The following LLCFC1 variants were observed in gnomAD, a reference collection of about 807,000 sequenced individuals.
The protein encoded by LLCFC1 is sperm-egg fusion protein LLCFC1.
Under a neutral mutation model 9.8 loss-of-function variants are expected in LLCFC1, and 14 were observed. The observed-to-expected ratio is 1.43, with a 90% confidence interval of 0.95 to 2.24. The LOEUF (loss-of-function observed/expected upper bound fraction) is 2.24. Ranked by LOEUF, LLCFC1 falls within the 30% of genes most tolerant of loss-of-function variation. The probability of loss-of-function intolerance (pLI) is 0.00; values close to 1 mark genes in which losing one functional copy is unlikely to be tolerated. For synonymous variants in LLCFC1, 70 were observed against 58.8 expected (o/e 1.19, Z -0.87); for missense variants, 162 against 148.0 (o/e 1.09, Z -0.49).
chr7:142,940,113 GTGTGTGTGT>G (rs1796307317), intron 1 of LLCFC1, among the ~76,000 whole-genome samples: 2 of 9,562 alleles, frequency 2.1e-4, no homozygotes, highest in African/African-American at 2.8e-4. Context: ...AATGGTGTGT[GTGTGTGTGT>G]GTGTGTGTGT....
rs1796315525 is a variant in LLCFC1, at chr7:142,940,403, AG to A, written c.186del (p.Met63CysfsTer45). 1 of 1,614,128 alleles carries A rather than the reference AG, an allele frequency of 6.2e-7. No individual in the cohort carries two copies. Among genetic ancestry groups the A allele is most frequent in the African/African-American group, 1.3e-5 (1 of 75,008 alleles). ...CACTTTGTGGCCTCCTCAGTGGGTG[AG>A]ATGTGGCAGGTGGTGGACATGGCCC... ...EEHFVASSVG[E>X]MWQVVDMAQQ... On this transcript the variant is annotated frameshift_variant, in exon 2 of 2. Coordinates refer to ENST00000409607, the MANE Select transcript of LLCFC1 (RefSeq NM_001382496.1). LOFTEE classifies it high-confidence loss of function.
rs758966437 is a variant in LLCFC1 at position 142,939,564 on chromosome 7, C to T, written c.-58C>T. 2.2e-5 allele frequency: 35 copies of T among 1,574,158 alleles called. No homozygotes were observed. Among genetic ancestry groups the T allele is most frequent in the Non-Finnish European group, 2.8e-5 (32 of 1,159,940 alleles). Reference sequence around the variant, plus strand: ...GGACAGGAATGGGGCAGGAGGTGCACGGATCCTGCTGGGCACTGGGAGCAG... The same window carrying T: ...GGACAGGAATGGGGCAGGAGGTGCATGGATCCTGCTGGGCACTGGGAGCAG... On this transcript the variant is annotated 5_prime_UTR_variant, in exon 1 of 2. In the 5' UTR this introduces an upstream ATG that the reference lacks. Coordinates refer to ENST00000409607, the MANE Select transcript of LLCFC1 (RefSeq NM_001382496.1).
Position 142,940,550 on chromosome 7 carries a change from T to A in LLCFC1, c.332T>A (p.Phe111Tyr). ...TCAGGAGGGCCATTGAGGCGGACAT[T>A]CCCAAATATCCAACTCTGCTTCATG... ...VFSGGPLRRT[F>Y]PNIQLCFMLT... The change falls in exon 2 of 2, where the codon TTC becomes TAC. Residue 111 changes from phenylalanine (F) to tyrosine (Y), a missense_variant. Physicochemically the swap from Phe to Tyr is conservative, Grantham distance 22. Coordinates refer to ENST00000409607, the MANE Select transcript of LLCFC1 (RefSeq NM_001382496.1). 6.2e-7 allele frequency: 1 copy of A among 1,614,152 alleles called. No homozygotes were observed. Among genetic ancestry groups the A allele is most frequent in the African/African-American group, 1.3e-5 (1 of 75,024 alleles).
Position 142,939,493 on chromosome 7 carries a change from A to G in LLCFC1, c.-129A>G, listed in dbSNP as rs767314557. ...CAGAACATGTGAAGTCAGAGGTCCT[A>G]TGGAAGGTGAGGGGAGAAAATGCCC... On this transcript the variant is annotated 5_prime_UTR_variant, in exon 1 of 2. An upstream start codon of the reference 5' UTR is lost. Transcript: ENST00000409607. The G allele has an allele frequency of 4.4e-5, 65 of 1,481,214 alleles. No homozygotes were observed. Among genetic ancestry groups the G allele is most frequent in the African/African-American group, 3.0e-4 (21 of 71,002 alleles). 91.8% of individuals were successfully genotyped at this position (1,481,214 alleles called of 1,614,324 possible).
chr7:142,939,668 C>T lies in LLCFC1; in HGVS notation c.47C>T (p.Pro16Leu). 2 of 1,614,218 alleles carry T rather than the reference C, an allele frequency of 1.2e-6. No individual in the cohort carries two copies. Among genetic ancestry groups the T allele is most frequent in the Non-Finnish European group, 1.7e-6 (2 of 1,180,030 alleles). ...PQLCRAVFLVPILLLLQVKPL... is the reference protein window; with the variant it reads ...PQLCRAVFLVLILLLLQVKPL... ...CTCTGCAGGGCAGTGTTCCTGGTTC[C>T]TATCTTGCTGCTGCTGCAGGTGAAG... Residue 16 changes from proline to leucine, a missense_variant, in exon 1 of 2, where the codon CCT becomes CTT. Pro to Leu is a moderately conservative substitution (Grantham distance 98). Coordinates refer to ENST00000409607, the MANE Select transcript of LLCFC1 (RefSeq NM_001382496.1).
Position 142,940,627 on chromosome 7 carries a change from G to T in LLCFC1, c.*40G>T, listed in dbSNP as rs62470965. The T allele has an allele frequency of 8.7e-3, 13,170 of 1,506,050 alleles. 96 individuals carry two copies. Among genetic ancestry groups the T allele is most frequent in the South Asian group, 0.017 (1,504 of 88,492 alleles). 93.3% of individuals were successfully genotyped at this position (1,506,050 alleles called of 1,614,324 possible). ...TGGGCTCCAGGTCACAACTCCCAAA[G>T]GAGATGCAGGCATGGCTCTCTGCCT... On this transcript the variant is annotated 3_prime_UTR_variant, in exon 2 of 2. Transcript: ENST00000409607.
chr7:142,940,505 T>G lies in LLCFC1; in HGVS notation c.287T>G (p.Leu96Arg). ...HSFHLSFCFS[L>R]ASVMVFSGGP... Reference sequence around the variant, plus strand: ...TTCCACCTCAGCTTCTGCTTTAGTCTGGCCAGTGTCATGGTTTTCTCAGGA... The same window carrying G: ...TTCCACCTCAGCTTCTGCTTTAGTCGGGCCAGTGTCATGGTTTTCTCAGGA... The change falls in exon 2 of 2, where the codon CTG becomes CGG. Residue 96 changes from leucine to arginine, a missense_variant. Transcript: ENST00000409607. 6.2e-7 allele frequency: 1 copy of G among 1,614,214 alleles called. No individual in the cohort carries two copies. Among genetic ancestry groups the G allele is most frequent in the African/African-American group, 1.3e-5 (1 of 75,048 alleles).
chr7:142,940,428 C>T lies in LLCFC1; in HGVS notation c.210C>T (p.Ala70=), dbSNP rs770003080. 2 of 1,614,118 alleles carry T rather than the reference C, an allele frequency of 1.2e-6. No individual in the cohort carries two copies. The highest frequency in any genetic ancestry group is 2.2e-5 in the South Asian group (2 of 91,080). Residue 70 remains alanine, a synonymous_variant, in exon 2 of 2, where the codon GCC becomes GCT. Transcript: ENST00000409607. The part of the protein sequence containing the change: ...VGEMWQVVDM[A]QQEEDQSSKT... ...AGATGTGGCAGGTGGTGGACATGGC[C>T]CAGCAGGAAGAAGACCAGTCGTCCA... is the stretch of plus-strand genomic sequence containing the variant.
Position 142,939,551 on chromosome 7 carries a change from G to C in LLCFC1, c.-71G>C. ...GGGTTAAGGGCCAGGACAGGAATGG[G>C]GCAGGAGGTGCACGGATCCTGCTGG... On this transcript the variant is annotated 5_prime_UTR_variant, in exon 1 of 2. Coordinates refer to ENST00000409607, the MANE Select transcript of LLCFC1 (RefSeq NM_001382496.1). The C allele has an allele frequency of 6.4e-7, 1 of 1,562,378 alleles. No homozygotes were observed. Among genetic ancestry groups the C allele is most frequent in the Non-Finnish European group, 8.7e-7 (1 of 1,153,930 alleles).
chr7:142,939,972 A>G (rs773641836), intron 1 of LLCFC1, among the ~76,000 whole-genome samples: 1 of 152,114 alleles, frequency 6.6e-6, no homozygotes, highest in Non-Finnish European at 1.5e-5. Context: ...TCGGCTCACC[A>G]TGGGCCAGCT....
chr7:142,940,119 GT>G (rs1796307795), intron 1 of LLCFC1, among the ~76,000 whole-genome samples: 1 of 118,158 alleles, frequency 8.5e-6, no homozygotes, highest in South Asian at 2.5e-4. Flanking sequence ...GTGTGTGTGT[GT>G]GTGTGTGTGT....
At chr7:142,939,780 A>C (rs748852233) in intron 1 of LLCFC1, 26 bp downstream of exon 1, 1 of 1,588,778 alleles carries the variant, frequency 6.3e-7, no homozygotes, top group Non-Finnish European at 8.6e-7. Flanking sequence ...GACAGGAGCC[A>C]TACAGAGAAA....
Position 142,939,717 on chromosome 7 carries a change from C to A in LLCFC1, c.96C>A (p.Pro32=), listed in dbSNP as rs1562954142. The A allele has an allele frequency of 1.2e-6, 2 of 1,613,830 alleles. No homozygotes were observed. Among genetic ancestry groups the A allele is most frequent in the Non-Finnish European group, 1.7e-6 (2 of 1,179,904 alleles). The change falls in exon 1 of 2, where the codon CCC becomes CCA. Residue 32 remains proline (P), a synonymous_variant. Coordinates refer to ENST00000409607, the MANE Select transcript of LLCFC1 (RefSeq NM_001382496.1). ...AGCCTCTGAACGGGAGCCCAGGCCC[C>A]AAAGATGGGAGCCAGACAGAGAAAA... is the stretch of plus-strand genomic sequence containing the variant. ...QVKPLNGSPG[P]KDGSQTEKTP... is the part of the protein sequence containing the mutation.
chr7:142,940,239 T>C (rs558984875), intron 1 of LLCFC1, 113 bp from the exon 2 acceptor site: 2 of 782,900 alleles, frequency 2.6e-6, no homozygotes, highest in Admixed American at 2.2e-5. Flanking sequence ...GCTAAGGATA[T>C]GGGCAATTGG....
Position 142,939,754 on chromosome 7 carries a change from G to C in LLCFC1, c.133G>C (p.Asp45His). ...CCAGACAGAGAAAACGCCCTCTGCA[G>C]GTAGGTGGAAAAAAAGACAGGAGCC... ...GSQTEKTPSA[D>H]QNQEQFEEHF... The change falls in exon 1 of 2, where the codon GAC (aspartate) becomes CAC (histidine). Residue 45 changes from aspartate to histidine, a missense_variant and splice_region_variant. Coordinates refer to ENST00000409607, the MANE Select transcript of LLCFC1 (RefSeq NM_001382496.1). 1.2e-6 allele frequency: 2 copies of C among 1,601,890 alleles called. No homozygotes were observed. The highest frequency in any genetic ancestry group is 1.4e-5 in the African/African-American group (1 of 73,920).
rs1487644062 is a variant in LLCFC1, at chr7:142,940,709, T to C, written c.*122T>C. 5.9e-6 allele frequency: 5 copies of C among 849,410 alleles called. No homozygotes were observed. In the South Asian group the frequency reaches 8.3e-5, roughly 14 times the overall value. 52.6% of individuals were successfully genotyped at this position (849,410 alleles called of 1,614,324 possible). On this transcript the variant is annotated 3_prime_UTR_variant, in exon 2 of 2. Transcript: ENST00000409607. ...CAGCAGAGATACCAGTTGCCATCAGTGCTAACTGACTGCCTCTCCAGGTTC... is the reference window on the plus strand; with the variant it reads ...CAGCAGAGATACCAGTTGCCATCAGCGCTAACTGACTGCCTCTCCAGGTTC...
chr7:142,940,106 GGT>G (rs782240164), intron 1 of LLCFC1, among the ~76,000 whole-genome samples: 7,827 of 128,740 alleles, frequency 0.061, 373 homozygotes, highest in African/African-American at 0.15. Context: ...CCTTAGGAAT[GGT>G]GTGTGTGTGT....
Position 142,940,730 on chromosome 7 carries a change from G to C in LLCFC1, c.*143G>C, listed in dbSNP as rs1337497808. 3 of 713,136 alleles carry C rather than the reference G, an allele frequency of 4.2e-6. No individual in the cohort carries two copies. Among genetic ancestry groups the C allele is most frequent in the Non-Finnish European group, 4.7e-6 (2 of 428,212 alleles). The allele number at this position is 713,136 out of a possible 1,614,324, so 44.2% of individuals were successfully genotyped here. ...TCAGTGCTAACTGACTGCCTCTCCA[G>C]GTTCGGAGTTTCATCTCCCAGGGCC... is the stretch of plus-strand genomic sequence containing the variant. On this transcript the variant is annotated 3_prime_UTR_variant, in exon 2 of 2. Coordinates refer to ENST00000409607, the MANE Select transcript of LLCFC1 (RefSeq NM_001382496.1).
At chr7:142,939,862 A>C in intron 1 of LLCFC1, 108 bp downstream of exon 1, 3 of 1,132,472 alleles carry the variant, frequency 2.6e-6, no homozygotes, top group Non-Finnish European at 3.7e-6. Context: ...GTGTGAGGCC[A>C]GGCCCCAGGT....
Sources: allele counts gnomAD v4.1 joint callset (sites outside exome capture counted in the v4.1 genomes callset), GRCh38; gene constraint gnomAD v4.1.1; transcripts MANE v1.5; gene names NCBI Gene and HGNC (gene_info 2026-07-23, HGNC 2026-07-21).